SYNJ2BP: variants seen among roughly 807,000 people sequenced by gnomAD.
SYNJ2BP encodes the protein synaptojanin-2-binding protein.
Under a neutral mutation model 16.9 loss-of-function variants are expected in SYNJ2BP, and 10 were observed. The observed-to-expected ratio is 0.59, with a 90% confidence interval of 0.36 to 1.00. SYNJ2BP has a LOEUF of 1.00. SYNJ2BP is among the 50% of genes least tolerant of loss of function. The pLI is 0.01. For missense variants in SYNJ2BP, 162 were observed against 186.7 expected (o/e 0.87, Z 0.77); for synonymous variants, 54 against 68.4 (o/e 0.79, Z 1.04).
chr14:70,383,194 T>C lies in SYNJ2BP; in HGVS notation c.201+5276A>G, dbSNP rs1026400253. ...ACTCAGGGCCAGGTACAGGACTAGA[T>C]GCTGGAGATAAAGAGATGATAAGGC... On this transcript the variant is annotated intron_variant, in intron 2 of 3. Transcript: ENST00000256366. 6.4e-4 allele frequency among the ~76,000 whole-genome samples: 97 copies of C among 152,198 alleles called. 1 individual carries two copies. The highest frequency in any genetic ancestry group is 2.3e-3 in the African/African-American group (94 of 41,454).
At chr14:70,386,683 C>A (rs574894437) in intron 2 of SYNJ2BP, among the ~76,000 whole-genome samples, 1 of 152,210 alleles carries the variant, frequency 6.6e-6, no homozygotes, top group South Asian at 2.1e-4. Context: ...GGTTCTGCTA[C>A]CAAATGGGCT....
At chr14:70,382,827 A>T (rs1887781427) in intron 2 of SYNJ2BP, among the ~76,000 whole-genome samples, 1 of 152,216 alleles carries the variant, frequency 6.6e-6, no homozygotes. Flanking sequence ...GCATGTTAAA[A>T]TGTGTTTCCT....
chr14:70,403,097 T>G (rs773804435), intron 1 of SYNJ2BP, among the ~76,000 whole-genome samples: 15 of 152,252 alleles, frequency 9.9e-5, no homozygotes, highest in Non-Finnish European at 1.8e-4. Context: ...GTATCAATTT[T>G]CACCTAAGAG....
In SYNJ2BP at chr14:70,373,109, A is replaced by G. The variant is rs376970622; in HGVS notation, c.320T>C (p.Ile107Thr). The G allele has an allele frequency of 6.2e-6, 10 of 1,614,014 alleles. No individual in the cohort carries two copies. Among genetic ancestry groups the G allele is most frequent in the Admixed American group, 5.0e-5 (3 of 59,990 alleles). Residue 107 changes from isoleucine to threonine, a missense_variant, in exon 4 of 4, where the codon ATA (isoleucine) becomes ACA (threonine). Transcript: ENST00000256366. ...TGGGTCCCCTTCACCTCGATGTCCT[A>G]TAGGTCCATTCTGCACCTGTAACTG... Reference protein sequence around the residue: ...QHRLQVQNGPIGHRGEGDPSG... With the variant: ...QHRLQVQNGPTGHRGEGDPSG...
At position 70,369,106 on chromosome 14, in the gene SYNJ2BP, GT is replaced by G. The variant is rs1887459508; in HGVS notation, c.*3884del. On this transcript the variant is annotated 3_prime_UTR_variant, in exon 4 of 4. Transcript: ENST00000256366. The stretch of plus-strand genomic sequence containing the variant: ...TTTCTCTTCTGGGAACTTGCTTTTT[GT>G]TTTTTGTTTGTTTGTTTTTTTGTTT... 1 of 151,954 alleles carries G rather than the reference GT, an allele frequency of 6.6e-6. No homozygotes were observed. The allele number at this position is 151,954 out of a possible 1,614,324, so 9.4% of individuals were successfully genotyped here.
chr14:70,377,595 C>T (rs1887659926), intron 2 of SYNJ2BP, among the ~76,000 whole-genome samples: 1 of 152,116 alleles, frequency 6.6e-6, no homozygotes, highest in African/African-American at 2.4e-5. Flanking sequence ...TTCTTTCCTT[C>T]TCCCTCAAAG....
chr14:70,409,423 C>A (rs1380780205), intron 1 of SYNJ2BP, among the ~76,000 whole-genome samples: 1 of 152,188 alleles, frequency 6.6e-6, no homozygotes, highest in African/African-American at 2.4e-5. Flanking sequence ...TAATTGTGTA[C>A]TTATCACATG....
intron 2 of SYNJ2BP, among the ~76,000 whole-genome samples, chr14:70,378,252 C>T (rs1187564908): frequency 1.3e-5 from 2 of 152,046 alleles, no homozygotes; most frequent in African/African-American, 4.8e-5. Flanking sequence ...TGTAAGATAA[C>T]TCCCAAATTT....
In SYNJ2BP at chr14:70,396,427, A is replaced by G. The variant is rs1594953268; in HGVS notation, c.65-7821T>C. On this transcript the variant is annotated intron_variant, in intron 1 of 3. Coordinates refer to ENST00000256366, the MANE Select transcript of SYNJ2BP (RefSeq NM_018373.3). ...CCACCGCGCCCGGTCCCTTCTTGCA[A>G]TTCTTTTGGGTATATACCTAGGAGT... is the stretch of plus-strand genomic sequence containing the variant. 2.0e-5 allele frequency among the ~76,000 whole-genome samples: 3 copies of G among 151,996 alleles called. No homozygotes were observed. In the South Asian group the frequency reaches 6.2e-4, roughly 32 times the overall value.
chr14:70,390,298 A>C (rs1376247472), intron 1 of SYNJ2BP, among the ~76,000 whole-genome samples: 2 of 152,212 alleles, frequency 1.3e-5, no homozygotes, highest in African/African-American at 4.8e-5. Context: ...ACAAACCAAA[A>C]ATCTAGCGGT....
At chr14:70,399,268 G>A (rs1037492419) in intron 1 of SYNJ2BP, among the ~76,000 whole-genome samples, 5 of 152,300 alleles carry the variant, frequency 3.3e-5, no homozygotes, top group Admixed American at 2.6e-4. Flanking sequence ...CTCTCTGCTC[G>A]ACCACACTGC....
intron 3 of SYNJ2BP, among the ~76,000 whole-genome samples, chr14:70,373,426 G>A (rs1284849014): frequency 6.6e-6 from 1 of 152,140 alleles, no homozygotes; most frequent in Non-Finnish European, 1.5e-5. Context: ...TGCTATTTGT[G>A]TATCGTATCA....
intron 2 of SYNJ2BP, among the ~76,000 whole-genome samples, chr14:70,385,341 CTTATTTTATTT>C (rs1456828086): frequency 1.3e-5 from 2 of 151,540 alleles, no homozygotes; most frequent in Non-Finnish European, 2.9e-5. Flanking sequence ...CAGTTTTTAT[CTTATTTTATTT>C]TTATTTTATT....
At chr14:70,413,348 G>C (rs1888529965) in intron 1 of SYNJ2BP, among the ~76,000 whole-genome samples, 1 of 152,142 alleles carries the variant, frequency 6.6e-6, no homozygotes, top group African/African-American at 2.4e-5. Flanking sequence ...TGAAAGTAGT[G>C]GTACTTATGG....
Position 70,417,074 on chromosome 14 carries a change from C to G in SYNJ2BP, c.-111G>C, listed in dbSNP as rs1055882961. On this transcript the variant is annotated 5_prime_UTR_variant, in exon 1 of 4. Coordinates refer to ENST00000256366, the MANE Select transcript of SYNJ2BP (RefSeq NM_018373.3). ...GCACAGCGGTTTCGGTTTCAGCAGCCTCGAGACCCGGAAAAGGAAGCCCGA... is the reference window on the plus strand; with the variant it reads ...GCACAGCGGTTTCGGTTTCAGCAGCGTCGAGACCCGGAAAAGGAAGCCCGA... 1 of 1,540,602 alleles carries G rather than the reference C, an allele frequency of 6.5e-7. No individual in the cohort carries two copies. Among genetic ancestry groups the G allele is most frequent in the African/African-American group, 1.4e-5 (1 of 73,152 alleles).
In SYNJ2BP at chr14:70,388,482, A is replaced by G. The variant is rs1179136238; in HGVS notation, c.189T>C (p.Asp63=). The change falls in exon 2 of 4, where the codon GAT becomes GAC. Residue 63 remains aspartate (D), a synonymous_variant. Transcript: ENST00000256366. ...AALDGRLQEG[D]KILSVNGQDL... is the part of the protein sequence containing the mutation. ...AGCCCATTCTCACCGAAAGGATCTT[A>G]TCACCCTCCTGGAGCCGCCCATCCA... is the stretch of plus-strand genomic sequence containing the variant. 1.9e-6 allele frequency: 3 copies of G among 1,577,012 alleles called. No homozygotes were observed. Among genetic ancestry groups the G allele is most frequent in the Non-Finnish European group, 1.7e-6 (2 of 1,164,098 alleles).
chr14:70,381,588 A>G (rs771653654), intron 2 of SYNJ2BP, among the ~76,000 whole-genome samples: 3 of 152,216 alleles, frequency 2.0e-5, no homozygotes, highest in Non-Finnish European at 2.9e-5. Context: ...ACCCTTAAGT[A>G]TCTGTGGAAT....
chr14:70,402,398 T>C (rs936946404), intron 1 of SYNJ2BP, among the ~76,000 whole-genome samples: 2 of 152,188 alleles, frequency 1.3e-5, no homozygotes, highest in African/African-American at 4.8e-5. Flanking sequence ...TGAGGTGCGC[T>C]GTGGAGGTTT....
intron 1 of SYNJ2BP, among the ~76,000 whole-genome samples, chr14:70,401,217 G>C (rs10148702): frequency 0.12 from 18,122 of 152,126 alleles, 1,224 homozygotes; most frequent in African/African-American, 0.17. Context: ...CTGAATGAGA[G>C]ACCTACTTTA....
Sources: allele counts gnomAD v4.1 joint callset (sites outside exome capture counted in the v4.1 genomes callset), GRCh38; gene constraint gnomAD v4.1.1; transcripts MANE v1.5; gene names NCBI Gene and HGNC (gene_info 2026-07-23, HGNC 2026-07-21).